Variants in F5 observed in about 807,000 individuals in gnomAD.
The protein encoded by F5 is coagulation factor V.
F5 carries 138 observed loss-of-function variants against 216.4 expected under a neutral mutation model. The observed-to-expected ratio is 0.64, with a 90% confidence interval of 0.56 to 0.73. The LOEUF (loss-of-function observed/expected upper bound fraction) is 0.73, where lower values mean the gene tolerates loss of function less well. Among genes scored for constraint, F5 ranks in the 30% least tolerant of loss-of-function variants. F5 has a pLI of 0.00. For missense variants in F5, 2,403 were observed against 2,674.0 expected (o/e 0.90, Z 2.24); for synonymous variants, 916 against 930.7 (o/e 0.98, Z 0.29).
At position 169,523,859 on chromosome 1, in the gene F5, T is replaced by C. The variant is rs1659368456; in HGVS notation, c.5834A>G (p.Tyr1945Cys). 6.2e-7 allele frequency: 1 copy of C among 1,613,970 alleles called. No individual in the cohort carries two copies. ...AAGTTTTTCTACACTCCAAGCATTA[T>C]AAGATCCACCATTGTTTAATCTTGC... ...RLARLNNGGS[Y>C]NAWSVEKLAA... The change falls in exon 20 of 25, where the codon TAT becomes TGT. Residue 1945 changes from tyrosine to cysteine, a missense_variant. This residue lies in a region of F5 where 659 missense variants were observed against 787.9 expected (regional missense o/e 0.84). Coordinates refer to ENST00000367797, the MANE Select transcript of F5 (RefSeq NM_000130.5).
intron 18 of F5, among the ~76,000 whole-genome samples, chr1:169,525,323 A>G (rs912567977): frequency 2.0e-5 from 3 of 152,092 alleles, no homozygotes; most frequent in African/African-American, 7.2e-5. Flanking sequence ...CTCTACAAAA[A>G]AAATAAAAAT....
intron 23 of F5, 188 bp from the exon 24 acceptor site, chr1:169,515,814 T>C (rs2101801969): frequency 1.6e-6 from 1 of 607,480 alleles, no homozygotes; most frequent in Non-Finnish European, 2.9e-6. Flanking sequence ...TAAATTTTTA[T>C]TGAAGTATTT....
intron 5 of F5, among the ~76,000 whole-genome samples, chr1:169,557,570 TATA>T (rs1660361673): frequency 6.6e-6 from 1 of 152,136 alleles, no homozygotes; most frequent in South Asian, 2.1e-4. Context: ...GATAACTGAA[TATA>T]AAAACTTAGT....
At chr1:169,577,194 T>C (rs559807231) in intron 2 of F5, among the ~76,000 whole-genome samples, 1 of 152,192 alleles carries the variant, frequency 6.6e-6, no homozygotes, top group African/African-American at 2.4e-5. Context: ...TTAGTGCAGT[T>C]GTGGAACTGG....
At chr1:169,523,711 C>T (rs1011414707) in intron 20 of F5, 90 bp downstream of exon 20, 1 of 1,176,990 alleles carries the variant, frequency 8.5e-7, no homozygotes, top group Non-Finnish European at 1.3e-6. Flanking sequence ...CCCCTAACAA[C>T]ATTGCAAGAA....
rs762229917 is a variant in F5 at position 169,560,644 on chromosome 1, GA to G, written c.495del (p.Pro166HisfsTer13). The G allele has an allele frequency of 1.6e-5, 26 of 1,613,670 alleles. No individual in the cohort carries two copies. Among genetic ancestry groups the G allele is most frequent in the Non-Finnish European group, 8.5e-7 (1 of 1,179,818 alleles). ...GAGTAATAGATGTGTGTGAGGCATG[GA>G]GGGTCATCATGGGTGGGTCCACTGT... is the stretch of plus-strand genomic sequence containing the variant. Reference protein sequence around the residue: ...SEDSGPTHDDPPCLTHIYYSH... With the variant: ...SEDSGPTHDDXPCLTHIYYSH... On this transcript the variant is annotated frameshift_variant, in exon 4 of 25. Coordinates refer to ENST00000367797, the MANE Select transcript of F5 (RefSeq NM_000130.5). LOFTEE classifies it high-confidence loss of function.
At chr1:169,550,490 G>A (rs1485469344) in intron 9 of F5, 150 bp downstream of exon 9, 7 of 692,230 alleles carry the variant, frequency 1.0e-5, no homozygotes, top group Admixed American at 2.1e-5. Flanking sequence ...CTCCTGAAGT[G>A]AGAAGGGTTT....
chr1:169,539,646 G>T (rs1211692208), intron 13 of F5, among the ~76,000 whole-genome samples: 2 of 152,184 alleles, frequency 1.3e-5, no homozygotes, highest in African/African-American at 4.8e-5. Context: ...AGTGATTAGT[G>T]TAACAGCTTT....
intron 3 of F5, among the ~76,000 whole-genome samples, chr1:169,565,839 C>G (rs1188551837): frequency 6.6e-6 from 1 of 152,078 alleles, no homozygotes; most frequent in Non-Finnish European, 1.5e-5. Context: ...TCCCCCAACA[C>G]ACCCCAAAGG....
rs769845276 is a variant in F5 at position 169,541,945 on chromosome 1, G to A, written c.3145C>T (p.His1049Tyr). Residue 1049 changes from histidine (H) to tyrosine (Y), a missense_variant, in exon 13 of 25, where the codon CAC becomes TAC. By Grantham distance (83) the His-to-Tyr change is moderately conservative. Around this residue, in one of 4 missense-constraint regions of F5, gnomAD observed 1,425 missense variants for 1,554.8 expected, o/e 0.92. Coordinates refer to ENST00000367797, the MANE Select transcript of F5 (RefSeq NM_000130.5). ...HHAPLSPRTFHPLRSEAYNTF... is the reference protein window; with the variant it reads ...HHAPLSPRTFYPLRSEAYNTF... The stretch of plus-strand genomic sequence containing the variant: ...TTGTAGGCTTCACTTCTTAGAGGGT[G>A]AAAGGTCCTCGGAGATAAAGGAGCA... 10 of 1,614,132 alleles carry A rather than the reference G, an allele frequency of 6.2e-6. No individual in the cohort carries two copies. In the East Asian group the frequency reaches 2.2e-4, roughly 36 times the overall value.
At chr1:169,567,155 A>G (rs1039649531) in intron 3 of F5, among the ~76,000 whole-genome samples, 1 of 151,904 alleles carries the variant, frequency 6.6e-6, no homozygotes, top group South Asian at 2.1e-4. Flanking sequence ...CTCACATGGT[A>G]GAAAGAGGGT....
intron 5 of F5, among the ~76,000 whole-genome samples, chr1:169,558,299 T>A (rs1179274511): frequency 6.6e-6 from 1 of 152,170 alleles, no homozygotes; most frequent in Non-Finnish European, 1.5e-5. Flanking sequence ...GGATCAACAT[T>A]GAGAGTCATA....
At chr1:169,574,875 C>T (rs753788941) in intron 2 of F5, among the ~76,000 whole-genome samples, 11 of 152,236 alleles carry the variant, frequency 7.2e-5, no homozygotes, top group East Asian at 1.9e-4. Context: ...ATATCAAGTG[C>T]CTATATTATC....
In F5 at chr1:169,541,400, G is replaced by A. The variant is rs201491184; in HGVS notation, c.3690C>T (p.Pro1230=). The A allele has an allele frequency of 9.5e-5, 153 of 1,613,636 alleles. No individual in the cohort carries two copies. Among genetic ancestry groups the A allele is most frequent in the Non-Finnish European group, 1.2e-4 (143 of 1,179,900 alleles). Residue 1230 remains proline (P), a synonymous_variant, in exon 13 of 25, where the codon CCC becomes CCT. Transcript: ENST00000367797. ...RNLSPALGQM[P]ISPDLSHTTL... is the part of the protein sequence containing the mutation. ...TTGTATGGCTGAGGTCTGGAGAAAT[G>A]GGCATCTGACCGAGGGCTGGGGAAA... is the stretch of plus-strand genomic sequence containing the variant.
chr1:169,524,019 G>C, intron 19 of F5, 115 bp from the exon 20 acceptor site: 1 of 865,888 alleles, frequency 1.2e-6, no homozygotes, highest in East Asian at 2.5e-5. Context: ...GTTGTAGTCA[G>C]GAGTCTAGGC....
chr1:169,518,301 A>G, intron 23 of F5, 111 bp downstream of exon 23: 1 of 1,309,156 alleles, frequency 7.6e-7, no homozygotes, highest in Non-Finnish European at 1.1e-6. Context: ...TTTAATCTGC[A>G]GAAACAGATT....
Position 169,546,577 on chromosome 1 carries a change from C to T in F5, c.1627G>A (p.Glu543Lys), listed in dbSNP as rs768860020. ...AACACAGCAAACACAGCCTGCTGTT[C>T]GATGTCTGCTGCCCTCTGGAGGACA... is the stretch of plus-strand genomic sequence containing the variant. ...RRGIQRAADIEQQAVFAVFDE... is the reference protein window; with the variant it reads ...RRGIQRAADIKQQAVFAVFDE... The change falls in exon 11 of 25, where the codon GAA becomes AAA. Residue 543 changes from glutamate to lysine, a missense_variant. Physicochemically the swap from Glu to Lys is moderately conservative, Grantham distance 56. Around this residue, in one of 4 missense-constraint regions of F5, gnomAD observed 1,425 missense variants for 1,554.8 expected, o/e 0.92. Coordinates refer to ENST00000367797, the MANE Select transcript of F5 (RefSeq NM_000130.5). 6.2e-7 allele frequency: 1 copy of T among 1,613,996 alleles called. No homozygotes were observed. Among genetic ancestry groups the T allele is most frequent in the Non-Finnish European group, 8.5e-7 (1 of 1,179,944 alleles).
intron 17 of F5, among the ~76,000 whole-genome samples, chr1:169,526,643 A>G (rs556816739): frequency 3.3e-5 from 5 of 152,054 alleles, no homozygotes; most frequent in African/African-American, 1.2e-4. Flanking sequence ...AAATGAATAG[A>G]TATGATTATC....
chr1:169,521,646 G>T (rs1659312145), intron 21 of F5, among the ~76,000 whole-genome samples: 1 of 134,120 alleles, frequency 7.5e-6, no homozygotes, highest in African/African-American at 2.8e-5. Context: ...TTTTGAGACG[G>T]AGTCTCACTC....
Sources: gnomAD v4.1 joint callset for allele counts (sites outside exome capture counted in the v4.1 genomes callset) on GRCh38, gnomAD v4.1.1 for gene constraint, gnomAD v4.1.1 regional missense constraint, MANE v1.5 for transcripts, NCBI Gene and HGNC (gene_info 2026-07-23, HGNC 2026-07-21) for gene names.